Variants in AP3S2 observed in about 807,000 individuals in gnomAD.
AP3S2 encodes AP-3 complex subunit sigma-2.
Under a neutral mutation model 23.4 loss-of-function variants are expected in AP3S2, and 22 were observed. The ratio of observed to expected loss-of-function variants is 0.94; its 90% CI spans 0.67 to 1.34. The LOEUF (loss-of-function observed/expected upper bound fraction) is 1.34. AP3S2 is among the 40% of genes most tolerant of loss of function. The pLI is 0.00. For synonymous variants in AP3S2, 86 were observed against 87.1 expected, an observed-to-expected ratio of 0.99 and a Z score of 0.07; for missense variants, 241 against 236.9, an observed-to-expected ratio of 1.02 and a Z score of -0.11.
intron 4 of AP3S2, chr15:89,865,683 C>A (rs1235936079): frequency 6.6e-6 from 1 of 152,134 alleles, no homozygotes. Flanking sequence ...ACCTATGACC[C>A]AGGAATTGCA....
intron 3 of AP3S2, among the ~76,000 whole-genome samples, chr15:89,875,870 G>C (rs1896431145): frequency 6.6e-6 from 1 of 151,972 alleles, no homozygotes; most frequent in Non-Finnish European, 1.5e-5. Context: ...GCTTGAGCCG[G>C]GGAGACAGAG....
chr15:89,892,329 A>C (rs1439024256), intron 1 of AP3S2, among the ~76,000 whole-genome samples: 4 of 152,184 alleles, frequency 2.6e-5, no homozygotes, highest in Admixed American at 1.3e-4. Flanking sequence ...GGTGATGGTT[A>C]CACAGCTTCT....
At chr15:89,878,243 C>T (rs762589071) in intron 3 of AP3S2, 3 of 639,952 alleles carry the variant, frequency 4.7e-6, no homozygotes. Flanking sequence ...AACAGCAAAA[C>T]TGTAGGAGAA....
intron 4 of AP3S2, among the ~76,000 whole-genome samples, chr15:89,847,081 C>T (rs926783651): frequency 2.6e-5 from 4 of 151,958 alleles, no homozygotes; most frequent in African/African-American, 7.3e-5. Flanking sequence ...CCTCTGCAGA[C>T]AAAAGTAGAT....
chr15:89,889,650 A>G (rs897113180), intron 1 of AP3S2, among the ~76,000 whole-genome samples: 10 of 152,096 alleles, frequency 6.6e-5, no homozygotes, highest in African/African-American at 2.4e-4. Context: ...CCTGACCAAT[A>G]TGGTGAAACC....
chr15:89,871,591 A>T (rs749329075), intron 3 of AP3S2, 45 bp from the exon 4 acceptor site: 1 of 1,589,482 alleles, frequency 6.3e-7, no homozygotes, highest in South Asian at 1.1e-5. Flanking sequence ...ATAGGAACAC[A>T]TTCACAGCTT....
chr15:89,869,591 ACT>A (rs1243090328), intron 4 of AP3S2, among the ~76,000 whole-genome samples: 1 of 149,266 alleles, frequency 6.7e-6, no homozygotes, highest in Non-Finnish European at 1.5e-5. Flanking sequence ...AAAAAAGAAA[ACT>A]CCCCCTTTCC....
intron 4 of AP3S2, among the ~76,000 whole-genome samples, chr15:89,841,847 T>C (rs1323095246): frequency 6.6e-6 from 1 of 151,880 alleles, no homozygotes; most frequent in Non-Finnish European, 1.5e-5. Context: ...AGGATCTATA[T>C]AAATATACAA....
intron 4 of AP3S2, among the ~76,000 whole-genome samples, chr15:89,855,330 A>G (rs1166544208): frequency 9.3e-6 from 1 of 106,996 alleles, no homozygotes; most frequent in Non-Finnish European, 1.9e-5. Flanking sequence ...TGAAGGCAGC[A>G]TGCGCGTTAA....
chr15:89,859,035 T>A (rs367742245), intron 4 of AP3S2, among the ~76,000 whole-genome samples: 31 of 151,992 alleles, frequency 2.0e-4, no homozygotes, highest in Admixed American at 2.6e-4. Context: ...TTTTCTTTTT[T>A]ACTTAAAGAG....
intron 3 of AP3S2, among the ~76,000 whole-genome samples, chr15:89,872,896 G>A (rs1453443914): frequency 7.9e-5 from 12 of 152,184 alleles, no homozygotes; most frequent in Non-Finnish European, 2.9e-5. Flanking sequence ...CCAGTGCACT[G>A]TATTTTGCCA....
At chr15:89,859,988 T>A (rs980438408) in intron 4 of AP3S2, among the ~76,000 whole-genome samples, 4 of 152,036 alleles carry the variant, frequency 2.6e-5, no homozygotes, top group African/African-American at 9.6e-5. Flanking sequence ...TTGGTCTCGA[T>A]CTCCTGACCT....
chr15:89,837,911 A>G, intron 4 of AP3S2, 189 bp from the exon 5 acceptor site: 1 of 561,994 alleles, frequency 1.8e-6, no homozygotes, highest in Non-Finnish European at 3.1e-6. Context: ...ACATGGCAAC[A>G]CGAATCTCTC....
intron 1 of AP3S2, among the ~76,000 whole-genome samples, chr15:89,891,350 T>C (rs1238947968): frequency 6.6e-6 from 1 of 152,146 alleles, no homozygotes; most frequent in Non-Finnish European, 1.5e-5. Context: ...ATTAGTCATT[T>C]TGGAAACTGA....
rs1334718546 is a variant in AP3S2, at chr15:89,856,733, C to T, written c.345+14742G>A. Among the ~76,000 whole-genome samples the T allele has an allele frequency of 1.5e-3, 225 of 145,306 alleles. 3 individuals are homozygous for T. The highest frequency in any genetic ancestry group is 1.9e-3 in the Non-Finnish European group (129 of 67,198). On this transcript the variant is annotated intron_variant, in intron 4 of 5. Transcript: ENST00000336418. ...AAAAAAAAAAAAAATATTCGCTGGG[C>T]GTGGTGGTGCGCACCTGTAGTCCCA... is the stretch of plus-strand genomic sequence containing the variant.
chr15:89,858,485 AAGAAAGAAAGAGAGAG>A (rs1407002571), intron 4 of AP3S2, among the ~76,000 whole-genome samples: 1,550 of 38,516 alleles, frequency 0.04, 35 homozygotes, highest in African/African-American at 0.096. Context: ...GAAAGAAAGA[AAGAAAGAAAGAGAGAG>A]AGAGAGAGAG....
chr15:89,878,971 C>A (rs910775107), intron 3 of AP3S2, among the ~76,000 whole-genome samples: 2 of 152,236 alleles, frequency 1.3e-5, no homozygotes, highest in African/African-American at 4.8e-5. Flanking sequence ...TGCTCCAACT[C>A]CTGACCTCAA....
intron 5 of AP3S2, among the ~76,000 whole-genome samples, chr15:89,836,683 A>G (rs1252198876): frequency 6.6e-6 from 1 of 152,184 alleles, no homozygotes; most frequent in Non-Finnish European, 1.5e-5. Flanking sequence ...CTTTCCGGAT[A>G]CCAACTCTGC....
intron 4 of AP3S2, among the ~76,000 whole-genome samples, chr15:89,867,246 G>A (rs1442037656): frequency 4.0e-5 from 6 of 150,132 alleles, no homozygotes; most frequent in East Asian, 2.0e-4. Flanking sequence ...GCCCCTAACC[G>A]CGAGTGATCC....
Sources: allele counts gnomAD v4.1 joint callset (sites outside exome capture counted in the v4.1 genomes callset), GRCh38; gene constraint gnomAD v4.1.1; transcripts MANE v1.5; gene names NCBI Gene and HGNC (gene_info 2026-07-23, HGNC 2026-07-21).